The following IGFBP7 variants were observed in gnomAD, a reference collection of about 807,000 sequenced individuals.
The protein encoded by IGFBP7 is insulin-like growth factor-binding protein 7.
In IGFBP7, 31 loss-of-function variants were observed where a neutral mutation model predicts 29.4. The ratio of observed to expected loss-of-function variants is 1.05; its 90% CI spans 0.79 to 1.42. The LOEUF is 1.42. IGFBP7 is among the 40% of genes most tolerant of loss of function. The probability of loss-of-function intolerance (pLI) is 0.00; values close to 1 mark genes in which losing one functional copy is unlikely to be tolerated. For missense variants in IGFBP7, 393 were observed against 395.5 expected, an observed-to-expected ratio of 0.99 and a Z score of 0.05; for synonymous variants, 172 against 174.9, an observed-to-expected ratio of 0.98 and a Z score of 0.13.
chr4:57,080,869 G>A (rs2109785949), intron 1 of IGFBP7, among the ~76,000 whole-genome samples: 1 of 152,354 alleles, frequency 6.6e-6, no homozygotes, highest in South Asian at 2.1e-4. Context: ...CAATGAAAGT[G>A]TGTTGGGTCA....
At chr4:57,086,302 C>G (rs1478931170) in intron 1 of IGFBP7, among the ~76,000 whole-genome samples, 1 of 152,168 alleles carries the variant, frequency 6.6e-6, no homozygotes, top group Admixed American at 6.5e-5. Flanking sequence ...TATGGAGTTA[C>G]AATTCAATGT....
intron 1 of IGFBP7, among the ~76,000 whole-genome samples, chr4:57,074,399 C>G (rs1033978603): frequency 6.6e-6 from 1 of 152,142 alleles, no homozygotes; most frequent in African/African-American, 2.4e-5. Flanking sequence ...AACATTCCCC[C>G]CACCCACCAT....
At chr4:57,061,904 C>T (rs1034818809) in intron 1 of IGFBP7, among the ~76,000 whole-genome samples, 3 of 152,162 alleles carry the variant, frequency 2.0e-5, no homozygotes, top group Middle Eastern at 3.2e-3. Context: ...CTCAAGTGAT[C>T]CTCCTGCCTC....
At chr4:57,071,974 T>C (rs1725062492) in intron 1 of IGFBP7, among the ~76,000 whole-genome samples, 1 of 152,046 alleles carries the variant, frequency 6.6e-6, no homozygotes, top group African/African-American at 2.4e-5. Flanking sequence ...CTATCTCTTT[T>C]TTTAAATTTA....
intron 1 of IGFBP7, among the ~76,000 whole-genome samples, chr4:57,098,323 G>C (rs904372019): frequency 2.0e-5 from 3 of 152,168 alleles, no homozygotes; most frequent in Admixed American, 6.5e-5. Context: ...AGTTCAGTCA[G>C]ACAAGAGAAA....
chr4:57,062,460 G>A (rs1370390231), intron 1 of IGFBP7, among the ~76,000 whole-genome samples: 3 of 152,212 alleles, frequency 2.0e-5, no homozygotes, highest in Non-Finnish European at 2.9e-5. Flanking sequence ...ATGTTTCTGA[G>A]GTGTTATCTG....
At chr4:57,033,892 AAC>A (rs1724012124) in intron 2 of IGFBP7, among the ~76,000 whole-genome samples, 1 of 152,124 alleles carries the variant, frequency 6.6e-6, no homozygotes, top group African/African-American at 2.4e-5. Context: ...CTCTAGTAAA[AAC>A]ACAAAAATTA....
At chr4:57,098,463 G>T (rs1237804902) in intron 1 of IGFBP7, among the ~76,000 whole-genome samples, 1 of 152,118 alleles carries the variant, frequency 6.6e-6, no homozygotes, top group Non-Finnish European at 1.5e-5. Context: ...TCCAGAACAG[G>T]CCTGCCCTGC....
At chr4:57,042,241 G>A (rs1038504837) in intron 1 of IGFBP7, among the ~76,000 whole-genome samples, 3 of 152,206 alleles carry the variant, frequency 2.0e-5, no homozygotes, top group Admixed American at 2.0e-4. Context: ...ATGACTCTCT[G>A]GTCCTGGGTT....
chr4:57,050,878 C>G (rs1724488760), intron 1 of IGFBP7, among the ~76,000 whole-genome samples: 1 of 152,244 alleles, frequency 6.6e-6, no homozygotes, highest in African/African-American at 2.4e-5. Context: ...TACATGCTAA[C>G]ATGGCTAAGA....
chr4:57,040,107 C>A (rs897242613), intron 2 of IGFBP7, among the ~76,000 whole-genome samples: 2 of 152,052 alleles, frequency 1.3e-5, no homozygotes, highest in African/African-American at 4.8e-5. Flanking sequence ...CTGGAGTGGT[C>A]TCCTCTGTCC....
intron 4 of IGFBP7, 56 bp from the exon 5 acceptor site, chr4:57,031,392 T>G: frequency 7.5e-7 from 1 of 1,338,956 alleles, no homozygotes; most frequent in Non-Finnish European, 1.1e-6. Flanking sequence ...GTGGTTGACT[T>G]TTGAATTGGC....
intron 1 of IGFBP7, among the ~76,000 whole-genome samples, chr4:57,082,662 A>T (rs2109787508): frequency 6.6e-6 from 1 of 152,352 alleles, no homozygotes; most frequent in South Asian, 2.1e-4. Context: ...ATTCAAATAT[A>T]CAAATATATA....
intron 4 of IGFBP7, 69 bp from the exon 5 acceptor site, chr4:57,031,405 G>A: frequency 1.9e-6 from 2 of 1,058,906 alleles, no homozygotes; most frequent in South Asian, 2.6e-5. Context: ...GAATTGGCAG[G>A]TAGTTGAGTG....
intron 1 of IGFBP7, among the ~76,000 whole-genome samples, chr4:57,076,106 G>A (rs1338510551): frequency 6.6e-6 from 1 of 152,192 alleles, no homozygotes; most frequent in Non-Finnish European, 1.5e-5. Flanking sequence ...GGGTTCTGGG[G>A]AGGCCCACTT....
At chr4:57,054,103 G>T (rs1443925860) in intron 1 of IGFBP7, among the ~76,000 whole-genome samples, 2 of 152,062 alleles carry the variant, frequency 1.3e-5, no homozygotes, top group Non-Finnish European at 2.9e-5. Flanking sequence ...TCCTGCCTCA[G>T]CCTCCTGAGT....
Position 57,110,287 on chromosome 4 carries a change from G to T in IGFBP7, c.65C>A (p.Pro22His), listed in dbSNP as rs1344533600. 2 of 1,427,638 alleles carry T rather than the reference G, an allele frequency of 1.4e-6. No individual in the cohort carries two copies. Among genetic ancestry groups the T allele is most frequent in the East Asian group, 6.2e-5 (2 of 32,360 alleles). The allele number at this position is 1,427,638 out of a possible 1,614,324, so 88.4% of individuals were successfully genotyped here. ...GAAGLLLLLL[P>H]LSSSSSSDTC... ...GTCCGAAGAGGAGGAAGAGGAGAGG[G>T]GCAGGAGCAGGAGCAGCAGCCCAGC... Residue 22 changes from proline to histidine, a missense_variant, in exon 1 of 5, where the codon CCC (proline) becomes CAC (histidine). Coordinates refer to ENST00000295666, the MANE Select transcript of IGFBP7 (RefSeq NM_001553.3).
At chr4:57,081,527 T>C (rs1344708154) in intron 1 of IGFBP7, among the ~76,000 whole-genome samples, 1 of 152,082 alleles carries the variant, frequency 6.6e-6, no homozygotes, top group Non-Finnish European at 1.5e-5. Context: ...CACATCCTTC[T>C]TGGTGTGTGG....
intron 1 of IGFBP7, among the ~76,000 whole-genome samples, chr4:57,084,788 G>T (rs370159340): frequency 0.46 from 52,359 of 112,964 alleles, 14,460 homozygotes; most frequent in Admixed American, 0.62. Flanking sequence ...TTTAAAAAAG[G>T]TTTTTTTTTT....
Sources: allele counts gnomAD v4.1 joint callset (sites outside exome capture counted in the v4.1 genomes callset), GRCh38; gene constraint gnomAD v4.1.1; transcripts MANE v1.5; gene names NCBI Gene and HGNC (gene_info 2026-07-23, HGNC 2026-07-21).